The following HECA variants were observed in gnomAD, a reference collection of about 807,000 sequenced individuals.
HECA encodes headcase protein homolog.
HECA carries 13 observed loss-of-function variants against 37.6 expected under a neutral mutation model. The ratio of observed to expected loss-of-function variants is 0.35; its 90% CI spans 0.23 to 0.55. HECA has a LOEUF of 0.55. HECA is among the 20% of genes least tolerant of loss of function. The pLI is 0.90. For missense variants in HECA, 527 were observed against 701.9 expected, an observed-to-expected ratio of 0.75 and a Z score of 2.82; for synonymous variants, 307 against 291.5, an observed-to-expected ratio of 1.05 and a Z score of -0.54.
At chr6:139,139,301 T>G (rs1160090913) in intron 1 of HECA, among the ~76,000 whole-genome samples, 1 of 152,238 alleles carries the variant, frequency 6.6e-6, no homozygotes, top group African/African-American at 2.4e-5. Flanking sequence ...CTCTGAGCCT[T>G]GGTTTCTGCT....
In HECA at chr6:139,150,591, A is replaced by AAT. The variant is rs35993836; in HGVS notation, c.271+14937_271+14938dup. The stretch of plus-strand genomic sequence containing the variant: ...GACATATGAGTTAGAATTCATTTAG[A>AAT]ATATATATATATATGTTGAATATAA... On this transcript the variant is annotated intron_variant, in intron 1 of 3. Transcript: ENST00000367658. 4.2e-3 allele frequency among the ~76,000 whole-genome samples: 632 copies of AAT among 150,334 alleles called. 2 individuals carry two copies. The highest frequency in any genetic ancestry group is 0.012 in the East Asian group (63 of 5,152).
At position 139,167,011 on chromosome 6, in the gene HECA, G is replaced by A. The variant is rs189354892; in HGVS notation, c.999G>A (p.Arg333=). The change falls in exon 2 of 4, where the codon AGG becomes AGA. Residue 333 remains arginine (R), a synonymous_variant. Transcript: ENST00000367658. ...GCCCTGCGGGGTTGGCAGTTCACAG[G>A]GGGGGACACTTCGACACCCCCGTGC... ...DYSPAGLAVH[R]GGHFDTPVQF... The A allele has an allele frequency of 1.6e-5, 26 of 1,614,220 alleles. No individual in the cohort carries two copies. Among genetic ancestry groups the A allele is most frequent in the East Asian group, 1.3e-4 (6 of 44,872 alleles).
In HECA at chr6:139,144,948, T is replaced by C. The variant is rs181553496; in HGVS notation, c.271+9281T>C. On this transcript the variant is annotated intron_variant, in intron 1 of 3. Coordinates refer to ENST00000367658, the MANE Select transcript of HECA (RefSeq NM_016217.3). Reference sequence around the variant, plus strand: ...TTGAGGTTAACATCAGAGAACTAGATGCCAGTGGGAGGGATTGGGACCATT... The same window carrying C: ...TTGAGGTTAACATCAGAGAACTAGACGCCAGTGGGAGGGATTGGGACCATT... Among the ~76,000 whole-genome samples the C allele has an allele frequency of 2.0e-4, 31 of 152,316 alleles. 1 individual carries two copies. Among genetic ancestry groups the C allele is most frequent in the Admixed American group, 1.7e-3 (26 of 15,308 alleles).
chr6:139,136,261 C>T (rs1465448983), intron 1 of HECA, among the ~76,000 whole-genome samples: 4 of 95,542 alleles, frequency 4.2e-5, no homozygotes, highest in Non-Finnish European at 8.6e-5. Flanking sequence ...GTTCTCAGCC[C>T]GGAGTTAAAA....
intron 2 of HECA, among the ~76,000 whole-genome samples, chr6:139,171,857 G>T (rs971588037): frequency 4.6e-5 from 7 of 151,452 alleles, no homozygotes; most frequent in Non-Finnish European, 7.4e-5. Context: ...TTGTGACGGG[G>T]TTTCACTTTT....
At position 139,135,386 on chromosome 6, in the gene HECA, G is replaced by A. The variant is rs763560096; in HGVS notation, c.-11G>A. 9.5e-6 allele frequency: 13 copies of A among 1,367,590 alleles called. No homozygotes were observed. The East Asian group carries it at 4.5e-4, about 48-fold the overall frequency. The allele number at this position is 1,367,590 out of a possible 1,614,324, so 84.7% of individuals were successfully genotyped here. On this transcript the variant is annotated 5_prime_UTR_variant, in exon 1 of 4. Transcript: ENST00000367658. Reference sequence around the variant, plus strand: ...TGACGCCGGGCACCTACCTGGACGCGAGCGAGCGAGATGCCCAACCCCAAA... The same window carrying A: ...TGACGCCGGGCACCTACCTGGACGCAAGCGAGCGAGATGCCCAACCCCAAA...
At chr6:139,168,967 TCTCCACCC>T (rs572929796) in intron 2 of HECA, among the ~76,000 whole-genome samples, 128 of 152,328 alleles carry the variant, frequency 8.4e-4, no homozygotes, top group African/African-American at 2.8e-3. Flanking sequence ...TTTGCCTCCA[TCTCCACCC>T]CTCCATGAAG....
At chr6:139,162,957 G>A (rs1026807558) in intron 1 of HECA, among the ~76,000 whole-genome samples, 3 of 152,174 alleles carry the variant, frequency 2.0e-5, no homozygotes, top group African/African-American at 7.2e-5. Context: ...CTGCCCTACA[G>A]TTACCCTCTG....
chr6:139,160,758 T>C (rs1050351180), intron 1 of HECA, among the ~76,000 whole-genome samples: 3 of 152,172 alleles, frequency 2.0e-5, no homozygotes, highest in African/African-American at 7.2e-5. Context: ...GTTCAAAACA[T>C]TGGAAAAAGT....
chr6:139,165,490 G>A (rs1774870655), intron 1 of HECA, among the ~76,000 whole-genome samples: 1 of 151,770 alleles, frequency 6.6e-6, no homozygotes, highest in Admixed American at 6.6e-5. Flanking sequence ...GTATAATGAC[G>A]TGTATCTGCC....
intron 1 of HECA, chr6:139,159,077 A>G (rs1239953762): frequency 6.6e-6 from 1 of 152,266 alleles, no homozygotes; most frequent in Non-Finnish European, 1.5e-5. Flanking sequence ...CCCTCTCAAA[A>G]AAAAATTTTT....
chr6:139,168,790 G>C (rs999624300), intron 2 of HECA, among the ~76,000 whole-genome samples: 9 of 152,138 alleles, frequency 5.9e-5, no homozygotes, highest in African/African-American at 1.9e-4. Flanking sequence ...GACTTTCAAC[G>C]TCTGAGAATA....
chr6:139,149,622 CT>C (rs113030780), intron 1 of HECA, among the ~76,000 whole-genome samples: 10 of 152,104 alleles, frequency 6.6e-5, no homozygotes, highest in South Asian at 2.1e-4. Flanking sequence ...TATTCTGCTG[CT>C]TTGGGGGGAG....
At chr6:139,150,632 C>G (rs1049017031) in intron 1 of HECA, among the ~76,000 whole-genome samples, 2 of 151,330 alleles carry the variant, frequency 1.3e-5, no homozygotes, top group Middle Eastern at 6.9e-3. Flanking sequence ...GGTAATATAA[C>G]AAATTCTATA....
chr6:139,148,177 A>T (rs1562243626), intron 1 of HECA, among the ~76,000 whole-genome samples: 1 of 152,174 alleles, frequency 6.6e-6, no homozygotes, highest in Non-Finnish European at 1.5e-5. Flanking sequence ...TATTCAGGGT[A>T]CTTTTTGACA....
At chr6:139,138,660 G>A (rs902648857) in intron 1 of HECA, among the ~76,000 whole-genome samples, 2 of 152,158 alleles carry the variant, frequency 1.3e-5, no homozygotes. Flanking sequence ...TACTAGTTAC[G>A]GAGAGCTTGG....
At chr6:139,150,138 T>A (rs1339249975) in intron 1 of HECA, among the ~76,000 whole-genome samples, 1 of 152,242 alleles carries the variant, frequency 6.6e-6, no homozygotes, top group Non-Finnish European at 1.5e-5. Flanking sequence ...CATTTTGAAA[T>A]GTTCATCAGA....
At chr6:139,138,147 T>G (rs1439949629) in intron 1 of HECA, among the ~76,000 whole-genome samples, 1 of 152,150 alleles carries the variant, frequency 6.6e-6, no homozygotes, top group Non-Finnish European at 1.5e-5. Flanking sequence ...TTCTTTGTTT[T>G]TTTCTTTGTT....
At chr6:139,159,664 C>T (rs925461914) in intron 1 of HECA, among the ~76,000 whole-genome samples, 5 of 152,180 alleles carry the variant, frequency 3.3e-5, no homozygotes, top group African/African-American at 1.2e-4. Flanking sequence ...TTACTGTGGT[C>T]ACAACCAGAG....
Sources: allele counts gnomAD v4.1 joint callset (sites outside exome capture counted in the v4.1 genomes callset), GRCh38; gene constraint gnomAD v4.1.1; transcripts MANE v1.5; gene names NCBI Gene and HGNC (gene_info 2026-07-23, HGNC 2026-07-21).